FAM110B: variants seen among roughly 807,000 people sequenced by gnomAD.
FAM110B encodes the protein protein FAM110B.
A neutral mutation model predicts 20.4 loss-of-function variants in FAM110B; 6 were observed. That is an observed-to-expected ratio of 0.29 (90% CI 0.16 to 0.58). The LOEUF is 0.58. FAM110B is among the 20% of genes least tolerant of loss of function. The pLI is 0.90. For synonymous variants in FAM110B, 226 were observed against 214.1 expected, an observed-to-expected ratio of 1.06 and a Z score of -0.49; for missense variants, 434 against 498.2, an observed-to-expected ratio of 0.87 and a Z score of 1.23.
At chr8:58,110,773 C>T (rs1287352813) in intron 3 of FAM110B, among the ~76,000 whole-genome samples, 6 of 152,118 alleles carry the variant, frequency 3.9e-5, no homozygotes, top group Non-Finnish European at 8.8e-5. Context: ...TCTACAATTA[C>T]AGGCATTTAA....
chr8:58,109,282 A>G (rs1806996131), intron 3 of FAM110B, among the ~76,000 whole-genome samples: 1 of 152,160 alleles, frequency 6.6e-6, no homozygotes, highest in Admixed American at 6.6e-5. Flanking sequence ...ATTACCAACT[A>G]GCTGCAGAGT....
chr8:58,032,935 G>A (rs1018217042), intron 2 of FAM110B, among the ~76,000 whole-genome samples: 7 of 152,136 alleles, frequency 4.6e-5, no homozygotes, highest in Non-Finnish European at 7.3e-5. Flanking sequence ...TTTAAATTCA[G>A]GAGGTGCACG....
intron 2 of FAM110B, among the ~76,000 whole-genome samples, chr8:58,044,023 C>A (rs1805273824): frequency 6.6e-6 from 1 of 152,230 alleles, no homozygotes; most frequent in Non-Finnish European, 1.5e-5. Flanking sequence ...TGTGAATACA[C>A]ATTTCCCCTT....
chr8:58,115,951 C>A (rs1424631072), intron 3 of FAM110B, among the ~76,000 whole-genome samples: 5 of 152,208 alleles, frequency 3.3e-5, no homozygotes, highest in African/African-American at 1.2e-4. Flanking sequence ...CTTGGAAGCA[C>A]TTTGGACCCT....
intron 2 of FAM110B, among the ~76,000 whole-genome samples, chr8:58,062,988 A>G (rs1805688224): frequency 6.6e-6 from 1 of 152,210 alleles, no homozygotes; most frequent in South Asian, 2.1e-4. Flanking sequence ...ATTGGCTGAC[A>G]ATTCTGAGCT....
At chr8:58,031,030 T>C (rs1168439425) in intron 1 of FAM110B, among the ~76,000 whole-genome samples, 1 of 152,178 alleles carries the variant, frequency 6.6e-6, no homozygotes, top group Non-Finnish European at 1.5e-5. Flanking sequence ...TTTGGGACTA[T>C]TGAGGCCATC....
At chr8:58,006,861 T>C (rs1351807276) in intron 1 of FAM110B, among the ~76,000 whole-genome samples, 2 of 143,302 alleles carry the variant, frequency 1.4e-5, no homozygotes, top group Admixed American at 1.4e-4. Context: ...GTGCTGGGAT[T>C]ACAGGCTTGA....
At chr8:58,050,956 G>A (rs1237149069) in intron 2 of FAM110B, among the ~76,000 whole-genome samples, 1 of 152,224 alleles carries the variant, frequency 6.6e-6, no homozygotes, top group Non-Finnish European at 1.5e-5. Flanking sequence ...TCTACTTTGA[G>A]ATGCTGAAGA....
intron 3 of FAM110B, among the ~76,000 whole-genome samples, chr8:58,096,290 C>T (rs1806625402): frequency 6.6e-6 from 1 of 152,118 alleles, no homozygotes; most frequent in Non-Finnish European, 1.5e-5. Flanking sequence ...ATTCTCCTGC[C>T]TCAGTCTCCC....
intron 3 of FAM110B, among the ~76,000 whole-genome samples, chr8:58,102,282 G>T (rs1278541199): frequency 6.6e-6 from 1 of 152,038 alleles, no homozygotes; most frequent in Non-Finnish European, 1.5e-5. Flanking sequence ...AGCGGCAAAG[G>T]GTATTCCCCA....
At chr8:58,017,070 G>A (rs1232558422) in intron 1 of FAM110B, among the ~76,000 whole-genome samples, 9 of 152,200 alleles carry the variant, frequency 5.9e-5, no homozygotes, top group African/African-American at 2.2e-4. Flanking sequence ...GTTTGAGTTA[G>A]GGAGAGATGC....
chr8:58,117,197 T>C (rs1279210520), intron 3 of FAM110B, among the ~76,000 whole-genome samples: 3 of 152,324 alleles, frequency 2.0e-5, no homozygotes, highest in Middle Eastern at 3.4e-3. Context: ...CTGAATCTAA[T>C]AAAGCAGAAG....
intron 2 of FAM110B, among the ~76,000 whole-genome samples, chr8:58,054,228 T>A (rs1050751913): frequency 2.6e-5 from 4 of 152,226 alleles, no homozygotes; most frequent in Non-Finnish European, 5.9e-5. Context: ...AGGCTAAATT[T>A]AATTTAATAA....
chr8:58,036,984 C>T (rs1805087041), intron 2 of FAM110B, among the ~76,000 whole-genome samples: 1 of 152,116 alleles, frequency 6.6e-6, no homozygotes, highest in African/African-American at 2.4e-5. Context: ...GTTATCCAAT[C>T]ATACTTATTA....
At chr8:58,045,254 AGGG>A in intron 2 of FAM110B, among the ~76,000 whole-genome samples, 1 of 152,192 alleles carries the variant, frequency 6.6e-6, no homozygotes, top group Admixed American at 6.5e-5. Flanking sequence ...GGGCTGTGGC[AGGG>A]TGTCAGCAAA....
chr8:58,027,557 A>G (rs1804877931), intron 1 of FAM110B, among the ~76,000 whole-genome samples: 1 of 152,138 alleles, frequency 6.6e-6, no homozygotes, highest in Non-Finnish European at 1.5e-5. Flanking sequence ...GAAATAGAAC[A>G]TCTCCATCAC....
intron 2 of FAM110B, among the ~76,000 whole-genome samples, chr8:58,064,562 C>G (rs1349557188): frequency 6.6e-6 from 1 of 152,126 alleles, no homozygotes; most frequent in Non-Finnish European, 1.5e-5. Flanking sequence ...TGTATTTATA[C>G]TATATACATC....
intron 1 of FAM110B, among the ~76,000 whole-genome samples, chr8:58,030,792 G>C (rs567881238): frequency 6.6e-6 from 1 of 152,112 alleles, no homozygotes; most frequent in Non-Finnish European, 1.5e-5. Flanking sequence ...AGGAGAAGAC[G>C]GTTAAGATTT....
intron 3 of FAM110B, among the ~76,000 whole-genome samples, chr8:58,120,088 A>G (rs1312825344): frequency 6.6e-6 from 1 of 152,190 alleles, no homozygotes; most frequent in Non-Finnish European, 1.5e-5. Context: ...TCAAGGGCAC[A>G]TGGTTTCTAC....
Sources: allele counts gnomAD v4.1 joint callset (sites outside exome capture counted in the v4.1 genomes callset), GRCh38; gene constraint gnomAD v4.1.1; transcripts MANE v1.5; gene names NCBI Gene and HGNC (gene_info 2026-07-23, HGNC 2026-07-21).